The following TUBA8 variants were observed in gnomAD, a reference collection of about 807,000 sequenced individuals.
TUBA8 encodes tubulin alpha-8 chain.
TUBA8 carries 29 observed loss-of-function variants against 34.7 expected under a neutral mutation model. The ratio of observed to expected loss-of-function variants is 0.84; its 90% CI spans 0.62 to 1.14. The LOEUF is 1.14. Among genes scored for constraint, TUBA8 ranks in the 50% most tolerant of loss-of-function variants. The pLI is 0.00. For missense variants in TUBA8, 541 were observed against 599.2 expected, an observed-to-expected ratio of 0.90 and a Z score of 1.01; for synonymous variants, 226 against 231.2, an observed-to-expected ratio of 0.98 and a Z score of 0.21.
chr22:18,127,110 TG>T, intron 4 of TUBA8, 76 bp downstream of exon 4: 1 of 1,500,034 alleles, frequency 6.7e-7, no homozygotes, highest in Non-Finnish European at 9.2e-7. Context: ...TGCAATTCCA[TG>T]GGCGCTTCAG....
In TUBA8 at chr22:18,126,936, C is replaced by A. The variant is rs140202346; in HGVS notation, c.958C>A (p.Arg320=). 9.3e-6 allele frequency: 15 copies of A among 1,612,590 alleles called. No homozygotes were observed. The highest frequency in any genetic ancestry group is 5.0e-5 in the Admixed American group (3 of 59,940). The change falls in exon 4 of 5, where the codon CGG becomes AGG. Residue 320 remains arginine (R), a synonymous_variant. Coordinates refer to ENST00000330423, the MANE Select transcript of TUBA8 (RefSeq NM_018943.3). This position sits in a 1 kb window ranked among gnomAD's most constrained non-coding sequence, Gnocchi z 4.0. The part of the protein sequence containing the change: ...GKYMACCMLY[R]GDVVPKDVNV... ...GTACATGGCCTGCTGCATGCTCTACCGGGGCGACGTGGTGCCCAAGGATGT... is the reference window on the plus strand; with the variant it reads ...GTACATGGCCTGCTGCATGCTCTACAGGGGCGACGTGGTGCCCAAGGATGT...
rs547577678 is a variant in TUBA8 at position 18,110,995 on chromosome 22, C to T, written c.3+127C>T. ...AGGGCTCAAGGCCTTCTGGGGGTGG[C>T]AGTTCAGGGTCGAGGAGTCCGCACC... On this transcript the variant is annotated intron_variant, in intron 1 of 4. Transcript: ENST00000330423. The surrounding 1 kb of genome is among the most constrained non-coding windows in gnomAD (Gnocchi z 6.2). 5.8e-5 allele frequency: 84 copies of T among 1,442,104 alleles called. No homozygotes were observed. In the African/African-American group the frequency reaches 1.1e-3, roughly 20 times the overall value. 89.3% of individuals were successfully genotyped at this position (1,442,104 alleles called of 1,614,324 possible).
chr22:18,114,554 A>G (rs1032909943), intron 1 of TUBA8: 2 of 152,356 alleles, frequency 1.3e-5, no homozygotes, highest in South Asian at 2.1e-4. Context: ...GCCCTTCAGG[A>G]GCCACATCTG....
In TUBA8 at chr22:18,130,608, G is replaced by A. The variant is rs78224294; in HGVS notation, c.1057-235G>A. ...CTGGCTAATTTTTTTTTTTTTTTTG[G>A]TAGAGATGGGTTTTTGCTCTGTTGC... On this transcript the variant is annotated intron_variant, in intron 4 of 4. Transcript: ENST00000330423. The A allele has an allele frequency of 1.3e-5, 7 of 538,762 alleles. No homozygotes were observed. The Admixed American group carries it at 1.6e-4, about 12-fold the overall frequency. The allele number at this position is 538,762 out of a possible 1,614,324, so 33.4% of individuals were successfully genotyped here.
At chr22:18,129,728 G>T (rs956095453) in intron 4 of TUBA8, 1 of 152,182 alleles carries the variant, frequency 6.6e-6, no homozygotes, top group African/African-American at 2.4e-5. Flanking sequence ...CCCCTCAGGA[G>T]GATGTGCATT....
In TUBA8 at chr22:18,121,776, A is replaced by T. The variant is rs1299731561; in HGVS notation, c.226+75A>T. The T allele has an allele frequency of 2.3e-5, 33 of 1,433,768 alleles. No individual in the cohort carries two copies. The highest frequency in any genetic ancestry group is 2.8e-5 in the Non-Finnish European group (29 of 1,031,608). The allele number at this position is 1,433,768 out of a possible 1,614,324, so 88.8% of individuals were successfully genotyped here. ...AGGCATTGGCCCACAGTAGCTAAGG[A>T]AGCAGCGTCTCTAGCTGGAAGGTGG... On this transcript the variant is annotated intron_variant, in intron 2 of 4. Transcript: ENST00000330423. This position sits in a 1 kb window ranked among gnomAD's most constrained non-coding sequence, Gnocchi z 4.8.
intron 1 of TUBA8, chr22:18,120,990 G>A (rs1030002912): frequency 1.7e-5 from 3 of 174,246 alleles, no homozygotes; most frequent in Non-Finnish European, 3.8e-5. Context: ...TACTTCCAGA[G>A]CATGTTCCTT....
chr22:18,114,232 G>A (rs1927898419), intron 1 of TUBA8: 1 of 152,314 alleles, frequency 6.6e-6, no homozygotes, highest in Non-Finnish European at 1.5e-5. Context: ...GCATCGGATT[G>A]AAACTCCTAA....
In TUBA8 at chr22:18,126,361, C is replaced by T. The variant is rs2234331; in HGVS notation, c.383C>T (p.Ala128Val). ...ATGTCCTGCTCTCCCTAGACAGATG[C>T]TTGCTCTGGCCTGCAGGGCTTCCTG... ...VLDRIRKLTD[A>V]CSGLQGFLIF... Residue 128 changes from alanine (A) to valine (V), a missense_variant, in exon 4 of 5, where the codon GCT becomes GTT. Coordinates refer to ENST00000330423, the MANE Select transcript of TUBA8 (RefSeq NM_018943.3). This position sits in a 1 kb window ranked among gnomAD's most constrained non-coding sequence, Gnocchi z 4.0. 0.011 allele frequency: 17,391 copies of T among 1,614,118 alleles called. 128 individuals are homozygous for T. Among genetic ancestry groups the T allele is most frequent in the Non-Finnish European group, 0.013 (15,470 of 1,179,978 alleles).
chr22:18,122,177 T>C, intron 2 of TUBA8: 1 of 163,976 alleles, frequency 6.1e-6, no homozygotes, highest in East Asian at 1.6e-4. Flanking sequence ...CATTCAGGTT[T>C]AGGAAACACA....
chr22:18,126,638 G>A lies in TUBA8; in HGVS notation c.660G>A (p.Glu220=), dbSNP rs1387499156. 1 of 1,614,098 alleles carries A rather than the reference G, an allele frequency of 6.2e-7. No individual in the cohort carries two copies. Among genetic ancestry groups the A allele is most frequent in the Non-Finnish European group, 8.5e-7 (1 of 1,180,036 alleles). The part of the protein sequence containing the change: ...YDICRRNLDI[E]RPTYTNLNRL... ...TCTGCCGCAGGAACCTTGACATTGA[G>A]CGCCCTACCTATACCAACCTCAACC... Residue 220 remains glutamate, a synonymous_variant, in exon 4 of 5, where the codon GAG becomes GAA. Transcript: ENST00000330423. The surrounding 1 kb of genome is among the most constrained non-coding windows in gnomAD (Gnocchi z 4.0).
rs771227024 is a variant in TUBA8, at chr22:18,121,675, T to G, written c.200T>G (p.Met67Arg). 1 of 1,614,200 alleles carries G rather than the reference T, an allele frequency of 6.2e-7. No individual in the cohort carries two copies. The highest frequency in any genetic ancestry group is 8.5e-7 in the Non-Finnish European group (1 of 1,180,024). Residue 67 changes from methionine (M) to arginine (R), a missense_variant, in exon 2 of 5, where the codon ATG becomes AGG. Transcript: ENST00000330423. This position sits in a 1 kb window ranked among gnomAD's most constrained non-coding sequence, Gnocchi z 4.8. ...GNGKHVPRAV[M>R]IDLEPTVVDE... ...GGGAAGCATGTGCCCCGGGCCGTCA[T>G]GATAGATCTGGAGCCTACTGTAGTG...
At position 18,111,257 on chromosome 22, in the gene TUBA8, G is replaced by A. The variant is rs554005837; in HGVS notation, c.3+389G>A. The A allele has an allele frequency of 1.6e-5, 5 of 306,678 alleles. No homozygotes were observed. In the East Asian group the frequency reaches 3.2e-4, roughly 19 times the overall value. 19.0% of individuals were successfully genotyped at this position (306,678 alleles called of 1,614,324 possible). A position where few individuals can be genotyped will look rare whatever the true frequency, so the allele number is the denominator to read the frequency against. ...ATGGGTGGTCTGGGCCGGGGCGACT[G>A]GGGGGCCAGATGCAGTCACGTCTCC... is the stretch of plus-strand genomic sequence containing the variant. On this transcript the variant is annotated intron_variant, in intron 1 of 4. Coordinates refer to ENST00000330423, the MANE Select transcript of TUBA8 (RefSeq NM_018943.3). The surrounding 1 kb of genome is among the most constrained non-coding windows in gnomAD (Gnocchi z 5.1).
At position 18,126,337 on chromosome 22, in the gene TUBA8, T is replaced by C; in HGVS notation, c.376-17T>C. 1 of 1,613,940 alleles carries C rather than the reference T, an allele frequency of 6.2e-7. No homozygotes were observed. Among genetic ancestry groups the C allele is most frequent in the Non-Finnish European group, 8.5e-7 (1 of 1,179,812 alleles). Reference sequence around the variant, plus strand: ...AACTTGTCTTCATGATTTCTTCTCATGTCCTGCTCTCCCTAGACAGATGCT... The same window carrying C: ...AACTTGTCTTCATGATTTCTTCTCACGTCCTGCTCTCCCTAGACAGATGCT... On this transcript the variant is annotated splice_polypyrimidine_tract_variant and intron_variant, in intron 3 of 4. Coordinates refer to ENST00000330423, the MANE Select transcript of TUBA8 (RefSeq NM_018943.3). This position sits in a 1 kb window ranked among gnomAD's most constrained non-coding sequence, Gnocchi z 4.0.
At chr22:18,123,103 C>G (rs1261019100) in intron 2 of TUBA8, 2 of 106,026 alleles carry the variant, frequency 1.9e-5, no homozygotes, top group Non-Finnish European at 3.6e-5. Context: ...GAGCGAGACC[C>G]CGTCTCCAAA....
At position 18,126,615 on chromosome 22, in the gene TUBA8, T is replaced by G. The variant is rs367639926; in HGVS notation, c.637T>G (p.Cys213Gly). The change falls in exon 4 of 5, where the codon TGC (cysteine) becomes GGC (glycine). Residue 213 changes from cysteine (C) to glycine (G), a missense_variant. By Grantham distance (159) the Cys-to-Gly change is radical. Transcript: ENST00000330423. The surrounding 1 kb of genome is among the most constrained non-coding windows in gnomAD (Gnocchi z 4.0). ...MVDNEAIYDICRRNLDIERPT... is the reference protein window; with the variant it reads ...MVDNEAIYDIGRRNLDIERPT... ...GGACAACGAAGCCATCTATGACATC[T>G]GCCGCAGGAACCTTGACATTGAGCG... is the stretch of plus-strand genomic sequence containing the variant. 5.6e-6 allele frequency: 9 copies of G among 1,614,154 alleles called. No individual in the cohort carries two copies. Among genetic ancestry groups the G allele is most frequent in the Non-Finnish European group, 7.6e-6 (9 of 1,180,036 alleles).
rs1928077313 is a variant in TUBA8 at position 18,119,438 on chromosome 22, G to A, written c.4-2041G>A. Reference sequence around the variant, plus strand: ...ATGGCAAGACAGCATCAACAACTGTGGCTAACTTACACTTTTCAGATGAGG... The same window carrying A: ...ATGGCAAGACAGCATCAACAACTGTAGCTAACTTACACTTTTCAGATGAGG... On this transcript the variant is annotated intron_variant, in intron 1 of 4. Coordinates refer to ENST00000330423, the MANE Select transcript of TUBA8 (RefSeq NM_018943.3). The surrounding 1 kb of genome is among the most constrained non-coding windows in gnomAD (Gnocchi z 5.9). 6.6e-6 allele frequency: 1 copy of A among 152,238 alleles called. No homozygotes were observed. Among genetic ancestry groups the A allele is most frequent in the African/African-American group, 2.4e-5 (1 of 41,436 alleles). 9.4% of individuals were successfully genotyped at this position (152,238 alleles called of 1,614,324 possible).
intron 2 of TUBA8, chr22:18,122,382 A>G (rs1172496063): frequency 6.6e-6 from 1 of 152,500 alleles, no homozygotes; most frequent in Non-Finnish European, 1.5e-5. Context: ...CCTGGACACC[A>G]ATGTCTAGGG....
chr22:18,124,714 T>A lies in TUBA8; in HGVS notation c.375+410T>A, dbSNP rs1843390320. ...ATGTTAAGCACATTCCTTCATTTAA[T>A]CCTTAATAATTAGACTTAGGAGGTG... On this transcript the variant is annotated intron_variant, in intron 3 of 4. Coordinates refer to ENST00000330423, the MANE Select transcript of TUBA8 (RefSeq NM_018943.3). The surrounding 1 kb of genome is among the most constrained non-coding windows in gnomAD (Gnocchi z 4.3). 1 of 176,206 alleles carries A rather than the reference T, an allele frequency of 5.7e-6. No individual in the cohort carries two copies. Among genetic ancestry groups the A allele is most frequent in the Non-Finnish European group, 1.2e-5 (1 of 81,408 alleles). 10.9% of individuals were successfully genotyped at this position (176,206 alleles called of 1,614,324 possible).
Sources: allele counts gnomAD v4.1 joint callset, GRCh38; gene constraint gnomAD v4.1.1; non-coding constraint Gnocchi (gnomAD v3.1); transcripts MANE v1.5; gene names NCBI Gene and HGNC (gene_info 2026-07-23, HGNC 2026-07-21).